ALKBH3: variants seen among roughly 807,000 people sequenced by gnomAD.
ALKBH3 encodes the protein alkB homolog 3, alpha-ketoglutarate dependent dioxygenase.
A neutral mutation model predicts 43.9 loss-of-function variants in ALKBH3; 51 were observed. The ratio of observed to expected loss-of-function variants is 1.16; its 90% confidence interval spans 0.93 to 1.47. The LOEUF is 1.47. ALKBH3 is among the 40% of genes most tolerant of loss of function. The pLI, the probability that ALKBH3 is intolerant of heterozygous loss-of-function variation, is 0.00. For missense variants in ALKBH3, 361 were observed against 351.9 expected (o/e 1.03, Z -0.21); for synonymous variants, 102 against 115.2 (o/e 0.89, Z 0.73).
intron 7 of ALKBH3, chr11:43,899,520 C>T (rs537283143): frequency 2.1e-4 from 145 of 691,136 alleles, no homozygotes; most frequent in Middle Eastern, 1.0e-3. Context: ...GCACCACCAC[C>T]TTCTCCAGCC....
At position 43,886,457 on chromosome 11, in the gene ALKBH3, T is replaced by C. The variant is rs1028534876; in HGVS notation, c.219-149T>C. On this transcript the variant is annotated intron_variant, in intron 4 of 9. Coordinates refer to ENST00000302708, the MANE Select transcript of ALKBH3 (RefSeq NM_139178.4). Reference sequence around the variant, plus strand: ...TAATGATATACCATGATCTTCTCAGTGGTAGAAGAAGGTGGGGATTATGCC... The same window carrying C: ...TAATGATATACCATGATCTTCTCAGCGGTAGAAGAAGGTGGGGATTATGCC... The C allele has an allele frequency of 7.5e-6, 5 of 663,084 alleles. No homozygotes were observed. In the Admixed American group the frequency reaches 1.4e-4, roughly 18 times the overall value. The allele number at this position is 663,084 out of a possible 1,614,324, so 41.1% of individuals were successfully genotyped here.
intron 5 of ALKBH3, among the ~76,000 whole-genome samples, chr11:43,889,280 C>G (rs1951767375): frequency 6.6e-6 from 1 of 152,200 alleles, no homozygotes; most frequent in African/African-American, 2.4e-5. Flanking sequence ...CCGCTTGAGC[C>G]TCCCAAAGTG....
chr11:43,913,764 A>C (rs779773664), intron 8 of ALKBH3, among the ~76,000 whole-genome samples: 10 of 152,080 alleles, frequency 6.6e-5, no homozygotes, highest in Non-Finnish European at 1.3e-4. Context: ...GGAATCAAAG[A>C]AGGCAGTCAT....
At chr11:43,898,431 C>T (rs751224225) in intron 7 of ALKBH3, 8 of 750,552 alleles carry the variant, frequency 1.1e-5, no homozygotes, top group Middle Eastern at 2.6e-4. Context: ...GGCATCATCA[C>T]GACAAAGATG....
In ALKBH3 at chr11:43,887,082, GCATATGTACCC is replaced by G. The variant is rs1461743693; in HGVS notation, c.266+432_266+442del. Among the ~76,000 whole-genome samples the G allele has an allele frequency of 3.9e-5, 6 of 152,178 alleles. No individual in the cohort carries two copies. The East Asian group carries it at 1.2e-3, about 29-fold the overall frequency. On this transcript the variant is annotated intron_variant, in intron 5 of 9. Coordinates refer to ENST00000302708, the MANE Select transcript of ALKBH3 (RefSeq NM_139178.4). Reference sequence around the variant, plus strand: ...AAAAGCGTACCTATATAACAAACCTGCATATGTACCCCAAACTTAAAGTTTAAAAAAGTCTA... The same window carrying G: ...AAAAGCGTACCTATATAACAAACCTGCAAACTTAAAGTTTAAAAAAGTCTA...
chr11:43,899,299 G>A (rs1951843462), intron 7 of ALKBH3: 2 of 703,436 alleles, frequency 2.8e-6, no homozygotes, highest in Non-Finnish European at 2.7e-6. Context: ...TGACCACGTG[G>A]CCGGGCCTCT....
At chr11:43,901,938 T>C (rs1951866765) in intron 8 of ALKBH3, among the ~76,000 whole-genome samples, 1 of 152,232 alleles carries the variant, frequency 6.6e-6, no homozygotes, top group South Asian at 2.1e-4. Context: ...GGCTGCCTTA[T>C]GCTAGGTGCT....
At chr11:43,916,773 A>T (rs1381801703) in intron 8 of ALKBH3, 1 of 152,162 alleles carries the variant, frequency 6.6e-6, no homozygotes, top group Non-Finnish European at 1.5e-5. Flanking sequence ...AACAGTCTCC[A>T]TGCATCTTGC....
chr11:43,882,829 T>C, intron 2 of ALKBH3, 98 bp downstream of exon 2: 1 of 1,289,380 alleles, frequency 7.8e-7, no homozygotes, highest in East Asian at 2.5e-5. Flanking sequence ...TCCATTTCAA[T>C]TGACGTCAAG....
intron 7 of ALKBH3, chr11:43,899,269 A>G (rs1045357160): frequency 1.4e-6 from 1 of 719,550 alleles, no homozygotes; most frequent in Middle Eastern, 2.6e-4. Context: ...GCAAAGGAGA[A>G]GGCGTGCAGG....
chr11:43,899,345 T>C, intron 7 of ALKBH3: 1 of 697,986 alleles, frequency 1.4e-6, no homozygotes, highest in Non-Finnish European at 2.7e-6. Flanking sequence ...CATGCCCGTG[T>C]GCACCATCAG....
chr11:43,891,675 A>C lies in ALKBH3; in HGVS notation c.371-366A>C, dbSNP rs180991421. Among the ~76,000 whole-genome samples, 3 of 151,188 alleles carry C rather than the reference A, an allele frequency of 2.0e-5. No individual in the cohort carries two copies. The East Asian group carries it at 5.8e-4, about 29-fold the overall frequency. ...TTCTCACATGGATGTTGGTGCCACA[A>C]ATTTCTGCAGACAGGGGTTCAGTCT... On this transcript the variant is annotated intron_variant, in intron 6 of 9. Transcript: ENST00000302708.
intron 8 of ALKBH3, among the ~76,000 whole-genome samples, chr11:43,917,956 A>T (rs1951996962): frequency 6.6e-6 from 1 of 152,130 alleles, no homozygotes; most frequent in Non-Finnish European, 1.5e-5. Context: ...TTTGATTTTG[A>T]TTTTCCTAGG....
intron 8 of ALKBH3, among the ~76,000 whole-genome samples, chr11:43,907,135 G>T (rs1951901101): frequency 6.6e-6 from 1 of 152,128 alleles, no homozygotes; most frequent in South Asian, 2.1e-4. Context: ...ATCATAAATG[G>T]TAATTGGGTT....
At chr11:43,896,350 A>T (rs1055979469) in intron 7 of ALKBH3, among the ~76,000 whole-genome samples, 1 of 152,000 alleles carries the variant, frequency 6.6e-6, no homozygotes, top group African/African-American at 2.4e-5. Context: ...CAATCACAAG[A>T]TCCCACAATA....
At chr11:43,902,884 A>G (rs1951872472) in intron 8 of ALKBH3, among the ~76,000 whole-genome samples, 1 of 152,228 alleles carries the variant, frequency 6.6e-6, no homozygotes, top group Admixed American at 6.5e-5. Context: ...GGCATGAGCC[A>G]CTGCACCTGG....
intron 3 of ALKBH3, 82 bp downstream of exon 3, chr11:43,883,270 A>G: frequency 8.5e-6 from 8 of 935,936 alleles, no homozygotes; most frequent in Non-Finnish European, 1.3e-5. Flanking sequence ...TCAAATAAAT[A>G]ATGACTGAAT....
In ALKBH3 at chr11:43,894,971, A is replaced by G. The variant is rs188537658; in HGVS notation, c.459+2842A>G. Among the ~76,000 whole-genome samples, 79 of 152,228 alleles carry G rather than the reference A, an allele frequency of 5.2e-4. 1 individual carries two copies. The highest frequency in any genetic ancestry group is 9.4e-4 in the Non-Finnish European group (64 of 68,012). On this transcript the variant is annotated intron_variant, in intron 7 of 9. Transcript: ENST00000302708. ...TCCCCAGGTGTCCCATTAGCCAACT[A>G]TTTGTTGTTTTTGCTGTTTATTTTT...
intron 6 of ALKBH3, among the ~76,000 whole-genome samples, chr11:43,890,089 G>A (rs1951772729): frequency 6.6e-6 from 1 of 152,152 alleles, no homozygotes; most frequent in Non-Finnish European, 1.5e-5. Context: ...AATTTGGTTG[G>A]CTGAACTATG....
Sources: gnomAD v4.1 joint callset for allele counts (sites outside exome capture counted in the v4.1 genomes callset) on GRCh38, gnomAD v4.1.1 for gene constraint, MANE v1.5 for transcripts, NCBI Gene and HGNC (gene_info 2026-07-23, HGNC 2026-07-21) for gene names.